The following PRAG1 variants were observed in gnomAD, a reference collection of about 807,000 sequenced individuals.
PRAG1 encodes PEAK1 related, kinase-activating pseudokinase 1.
PRAG1 carries 110 observed loss-of-function variants against 95.6 expected under a neutral mutation model. The ratio of observed to expected loss-of-function variants is 1.15; its 90% CI spans 0.99 to 1.35. The LOEUF is 1.35. Among genes scored for constraint, PRAG1 ranks in the 40% most tolerant of loss-of-function variants. The pLI is 0.00. For missense variants in PRAG1, 2,554 were observed against 1,864.7 expected (o/e 1.37, Z -6.81); for synonymous variants, 1,052 against 819.4 (o/e 1.28, Z -4.85).
chr8:8,352,397 C>T (rs943645243), intron 3 of PRAG1, among the ~76,000 whole-genome samples: 2 of 152,216 alleles, frequency 1.3e-5, no homozygotes, highest in African/African-American at 4.8e-5. Flanking sequence ...AGTGCTTCTC[C>T]AGGAAAAAGT....
At chr8:8,356,289 GAA>G (rs773611460) in intron 3 of PRAG1, among the ~76,000 whole-genome samples, 73 of 152,204 alleles carry the variant, frequency 4.8e-4, no homozygotes, top group Non-Finnish European at 9.3e-4. Context: ...AGGGTGTGAA[GAA>G]AAGAGAACAC....
rs1441312099 is a variant in PRAG1, at chr8:8,349,567, C to A, written c.2163-9932G>T. Among the ~76,000 whole-genome samples the A allele has an allele frequency of 2.6e-5, 4 of 152,118 alleles. No individual in the cohort carries two copies. In the East Asian group the frequency reaches 5.8e-4, roughly 22 times the overall value. ...AAAGTGCTGGGATTACAGGCCTGAG[C>A]CACCGCGCCCGGCCGGTTTCTATTA... On this transcript the variant is annotated intron_variant, in intron 3 of 5. Coordinates refer to ENST00000615670, the MANE Select transcript of PRAG1 (RefSeq NM_001080826.3).
intron 4 of PRAG1, among the ~76,000 whole-genome samples, chr8:8,329,492 A>G (rs188501854): frequency 7.9e-5 from 12 of 152,230 alleles, no homozygotes; most frequent in African/African-American, 2.4e-4. Context: ...AGGGAAGAGC[A>G]TGGAGTGTCT....
Position 8,377,388 on chromosome 8 carries a change from G to A in PRAG1, c.1021C>T (p.Leu341Phe), listed in dbSNP as rs774614640. ...CTGCCGCTGCCGCTGCCACAAGAGA[G>A]GCCGTCGGAAGAAATGGCAGCCTCC... is the stretch of plus-strand genomic sequence containing the variant. ...TSEAAISSDG[L>F]SCGSGSGSGS... Residue 341 changes from leucine to phenylalanine, a missense_variant, in exon 3 of 6, where the codon CTC becomes TTC. Physicochemically the swap from Leu to Phe is conservative, Grantham distance 22 (BLOSUM62 0). Coordinates refer to ENST00000615670, the MANE Select transcript of PRAG1 (RefSeq NM_001080826.3). 15 of 1,588,626 alleles carry A rather than the reference G, an allele frequency of 9.4e-6. No individual in the cohort carries two copies. The South Asian group carries it at 1.7e-4, about 18-fold the overall frequency.
intron 3 of PRAG1, among the ~76,000 whole-genome samples, chr8:8,350,442 A>G (rs965102069): frequency 1.3e-5 from 2 of 152,250 alleles, no homozygotes; most frequent in Admixed American, 1.3e-4. Flanking sequence ...ATCTGTTCAC[A>G]CAAGAGGAGC....
intron 3 of PRAG1, among the ~76,000 whole-genome samples, chr8:8,356,467 T>G (rs1316786339): frequency 1.3e-5 from 2 of 152,208 alleles, no homozygotes; most frequent in African/African-American, 4.8e-5. Flanking sequence ...TGCCTCAGCC[T>G]CCCAAGTAGC....
chr8:8,365,022 A>G (rs973399484), intron 3 of PRAG1, among the ~76,000 whole-genome samples: 1 of 152,164 alleles, frequency 6.6e-6, no homozygotes, highest in Non-Finnish European at 1.5e-5. Flanking sequence ...AGATTTGAAG[A>G]AAGGATACCA....
In PRAG1 at chr8:8,377,530, C is replaced by G; in HGVS notation, c.879G>C (p.Lys293Asn). The G allele has an allele frequency of 1.3e-6, 2 of 1,584,294 alleles. No individual in the cohort carries two copies. Among genetic ancestry groups the G allele is most frequent in the Non-Finnish European group, 1.7e-6 (2 of 1,164,038 alleles). ...TCTCCTGCTCTGCGGGCCCGGAACACTTCCCCTGCTCCCAGCACGTGGGTG... is the reference window on the plus strand; with the variant it reads ...TCTCCTGCTCTGCGGGCCCGGAACAGTTCCCCTGCTCCCAGCACGTGGGTG... ...DCSPTCWEQGKCSGPAEQEKR... is the reference protein window; with the variant it reads ...DCSPTCWEQGNCSGPAEQEKR... The change falls in exon 3 of 6, where the codon AAG (lysine) becomes AAC (asparagine). Residue 293 changes from lysine (K) to asparagine (N), a missense_variant. Coordinates refer to ENST00000615670, the MANE Select transcript of PRAG1 (RefSeq NM_001080826.3).
chr8:8,342,840 G>C (rs557339375), intron 3 of PRAG1, among the ~76,000 whole-genome samples: 1 of 151,948 alleles, frequency 6.6e-6, no homozygotes, highest in South Asian at 2.1e-4. Context: ...TATGAACTTG[G>C]GGTAGGAAAT....
intron 3 of PRAG1, among the ~76,000 whole-genome samples, chr8:8,344,296 A>G (rs1191208214): frequency 6.6e-6 from 1 of 152,230 alleles, no homozygotes; most frequent in Non-Finnish European, 1.5e-5. Context: ...ATAGCAGTAG[A>G]AAAAAATGAA....
intron 3 of PRAG1, among the ~76,000 whole-genome samples, chr8:8,365,240 C>T (rs535466795): frequency 5.3e-4 from 80 of 152,230 alleles, no homozygotes; most frequent in South Asian, 8.3e-4. Context: ...TATGTTACAT[C>T]ACTGAATTTT....
rs375265791 is a variant in PRAG1 at position 8,378,017 on chromosome 8, A to T, written c.392T>A (p.Val131Asp). The change falls in exon 3 of 6, where the codon GTC becomes GAC. Residue 131 changes from valine (V) to aspartate (D), a missense_variant. Transcript: ENST00000615670. Reference protein sequence around the residue: ...PLPKQEDAPVVYLGSFRGVQK... With the variant: ...PLPKQEDAPVDYLGSFRGVQK... ...TACACCTCGGAAGCTGCCCAGGTAGACGACGGGGGCATCCTCCTGCTTCGG... is the reference window on the plus strand; with the variant it reads ...TACACCTCGGAAGCTGCCCAGGTAGTCGACGGGGGCATCCTCCTGCTTCGG... 1.3e-6 allele frequency: 2 copies of T among 1,583,822 alleles called. No individual in the cohort carries two copies. Among genetic ancestry groups the T allele is most frequent in the Admixed American group, 1.8e-5 (1 of 56,992 alleles).
At chr8:8,330,968 G>C (rs533908991) in intron 4 of PRAG1, among the ~76,000 whole-genome samples, 1 of 152,180 alleles carries the variant, frequency 6.6e-6, no homozygotes, top group African/African-American at 2.4e-5. Context: ...ACTGGGAGCC[G>C]TGAGCACACA....
At chr8:8,344,897 A>G (rs1163188512) in intron 3 of PRAG1, among the ~76,000 whole-genome samples, 1 of 152,208 alleles carries the variant, frequency 6.6e-6, no homozygotes, top group Non-Finnish European at 1.5e-5. Context: ...AAACAGTTGC[A>G]TCATAGACCT....
rs781579603 is a variant in PRAG1, at chr8:8,319,165, C to T, written c.3210G>A (p.Lys1070=). The T allele has an allele frequency of 3.1e-6, 5 of 1,604,234 alleles. No homozygotes were observed. The African/African-American group carries it at 5.4e-5, about 17-fold the overall frequency. ...SSMLSSPDAP[K]DPVPALPTHP... The stretch of plus-strand genomic sequence containing the variant: ...GTGTGGGCAGGGCAGGCACAGGGTC[C>T]TTGGGCGCGTCGGGGGAGCTGAGCA... The change falls in exon 6 of 6, where the codon AAG becomes AAA. Residue 1070 remains lysine (K), a synonymous_variant. Transcript: ENST00000615670.
intron 5 of PRAG1, among the ~76,000 whole-genome samples, chr8:8,323,079 G>C (rs1029305723): frequency 3.3e-5 from 5 of 152,164 alleles, no homozygotes; most frequent in Admixed American, 3.3e-4. Context: ...TAAATAGACT[G>C]CAAAAAATGA....
chr8:8,328,564 C>A, intron 4 of PRAG1, 103 bp from the exon 5 acceptor site: 2 of 1,261,520 alleles, frequency 1.6e-6, no homozygotes, highest in Non-Finnish European at 2.1e-6. Context: ...TTGGTCAGAG[C>A]AATTAATTTT....
rs574853414 is a variant in PRAG1, at chr8:8,350,944, G to C, written c.2163-11309C>G. Among the ~76,000 whole-genome samples, 590 of 149,380 alleles carry C rather than the reference G, an allele frequency of 3.9e-3. 5 individuals carry two copies. The highest frequency in any genetic ancestry group is 0.014 in the African/African-American group (569 of 40,236). On this transcript the variant is annotated intron_variant, in intron 3 of 5. Coordinates refer to ENST00000615670, the MANE Select transcript of PRAG1 (RefSeq NM_001080826.3). Reference sequence around the variant, plus strand: ...GATGGATGGATGGATGGATGGATGGGTGCATGGATGGATGGATGAATAGAT... The same window carrying C: ...GATGGATGGATGGATGGATGGATGGCTGCATGGATGGATGGATGAATAGAT...
At chr8:8,380,808 G>A (rs952034201) in intron 2 of PRAG1, among the ~76,000 whole-genome samples, 2 of 131,644 alleles carry the variant, frequency 1.5e-5, no homozygotes, top group African/African-American at 6.2e-5. Context: ...AGCTGAGATC[G>A]CACCACTACA....
Sources: gnomAD v4.1 joint callset for allele counts (sites outside exome capture counted in the v4.1 genomes callset) on GRCh38, gnomAD v4.1.1 for gene constraint, MANE v1.5 for transcripts, NCBI Gene and HGNC (gene_info 2026-07-23, HGNC 2026-07-21) for gene names.